Variants in EIF2B3 observed in about 807,000 individuals in gnomAD.
EIF2B3 encodes the protein translation initiation factor eIF2B subunit gamma.
A neutral mutation model predicts 54.1 loss-of-function variants in EIF2B3; 20 were observed. That is an observed-to-expected ratio of 0.37 (90% CI 0.26 to 0.54). The LOEUF is 0.54. Ranked by LOEUF, EIF2B3 falls within the 20% of genes least tolerant of loss-of-function variation. The pLI is 0.86. For synonymous variants in EIF2B3, 153 were observed against 188.1 expected, an observed-to-expected ratio of 0.81 and a Z score of 1.52; for missense variants, 448 against 547.8, an observed-to-expected ratio of 0.82 and a Z score of 1.82.
intron 5 of EIF2B3, among the ~76,000 whole-genome samples, chr1:44,903,323 T>C (rs1643350764): frequency 1.3e-5 from 2 of 152,180 alleles, no homozygotes; most frequent in South Asian, 4.1e-4. Context: ...TCTTTAATTT[T>C]CCCCCAAAAG....
chr1:44,978,979 G>C (rs990085631), intron 2 of EIF2B3, among the ~76,000 whole-genome samples: 65 of 151,918 alleles, frequency 4.3e-4, no homozygotes, highest in African/African-American at 1.5e-3. Flanking sequence ...TTACAAATGA[G>C]GAATCTTGGA....
chr1:44,952,185 G>C (rs1459929537), intron 3 of EIF2B3, among the ~76,000 whole-genome samples: 1 of 138,794 alleles, frequency 7.2e-6, no homozygotes, highest in Non-Finnish European at 1.6e-5. Context: ...GGATGGTCTC[G>C]ATCTCCTGAC....
chr1:44,962,204 A>ACAGCAT (rs1553179560), intron 3 of EIF2B3, among the ~76,000 whole-genome samples: 14 of 146,442 alleles, frequency 9.6e-5, no homozygotes, highest in Admixed American at 2.8e-4. Context: ...ATCATCATCA[A>ACAGCAT]CATCATCATC....
chr1:44,879,964 G>C lies in EIF2B3; in HGVS notation c.829C>G (p.Pro277Ala). The change falls in exon 8 of 12, where the codon CCC becomes GCC. Residue 277 changes from proline to alanine, a missense_variant. Around this residue, in one of 3 missense-constraint regions of EIF2B3, gnomAD observed 350 missense variants for 414.2 expected, o/e 0.85. Coordinates refer to ENST00000360403, the MANE Select transcript of EIF2B3 (RefSeq NM_020365.5). ...CAGGCATTCCAGCAGGCATCATAGG[G>C]AGCCAGGTTCAGTGTATTGGCTTCT... ...IKEANTLNLA[P>A]YDACWNACRG... 6.2e-7 allele frequency: 1 copy of C among 1,614,210 alleles called. No homozygotes were observed. The highest frequency in any genetic ancestry group is 8.5e-7 in the Non-Finnish European group (1 of 1,180,044).
intron 5 of EIF2B3, among the ~76,000 whole-genome samples, chr1:44,901,930 T>TA (rs1444638533): frequency 6.6e-6 from 1 of 152,186 alleles, no homozygotes; most frequent in Admixed American, 6.5e-5. Context: ...ATACAACTCT[T>TA]ACAGTTTTAG....
rs539600246 is a variant in EIF2B3 at position 44,923,953 on chromosome 1, T to C, written c.566+2675A>G. On this transcript the variant is annotated intron_variant, in intron 5 of 11. Coordinates refer to ENST00000360403, the MANE Select transcript of EIF2B3 (RefSeq NM_020365.5). ...CTAATTTCTTTCCTTTTTTTTTTTT[T>C]TTTTTGAGACAGAGTCTCGCTGTGT... Among the ~76,000 whole-genome samples, 129 of 150,694 alleles carry C rather than the reference T, an allele frequency of 8.6e-4. 2 individuals carry two copies. The highest frequency in any genetic ancestry group is 9.9e-4 in the Admixed American group (15 of 15,144).
chr1:44,850,820 T>C lies in EIF2B3; in HGVS notation c.*131A>G. 1.0e-6 allele frequency: 1 copy of C among 988,798 alleles called. No individual in the cohort carries two copies. Among genetic ancestry groups the C allele is most frequent in the Non-Finnish European group, 1.6e-6 (1 of 622,630 alleles). The allele number at this position is 988,798 out of a possible 1,614,324, so 61.3% of individuals were successfully genotyped here. On this transcript the variant is annotated 3_prime_UTR_variant, in exon 12 of 12. Transcript: ENST00000360403. The stretch of plus-strand genomic sequence containing the variant: ...GCCCACCTGACATGGAGCTTTGGAC[T>C]GCTCCACAAGTCTCCAGCATGCCTT...
chr1:44,872,696 G>A (rs921241560), intron 10 of EIF2B3, among the ~76,000 whole-genome samples: 1 of 151,764 alleles, frequency 6.6e-6, no homozygotes, highest in Admixed American at 6.6e-5. Context: ...CCTTTCTCCA[G>A]CTCAGGTGGC....
rs960761646 is a variant in EIF2B3, at chr1:44,966,323, C to T, written c.294+11992G>A. On this transcript the variant is annotated intron_variant, in intron 3 of 11. Transcript: ENST00000360403. ...GCGTGGTGGCGGGTGCCTGTAGTCC[C>T]AGCTACTTGGGAGGCTGAGACAGGA... Among the ~76,000 whole-genome samples the T allele has an allele frequency of 8.6e-5, 13 of 151,716 alleles. 1 individual carries two copies. Among genetic ancestry groups the T allele is most frequent in the African/African-American group, 2.9e-4 (12 of 41,336 alleles).
At position 44,857,686 on chromosome 1, in the gene EIF2B3, G is replaced by A; in HGVS notation, c.1306+18C>T. The A allele has an allele frequency of 6.2e-7, 1 of 1,611,436 alleles. No homozygotes were observed. Among genetic ancestry groups the A allele is most frequent in the Non-Finnish European group, 8.5e-7 (1 of 1,177,532 alleles). On this transcript the variant is annotated intron_variant, in intron 11 of 11. Transcript: ENST00000360403. Reference sequence around the variant, plus strand: ...TGTGAGAAGTAAAAATGGAATCTGTGATTGTAATCTGGTTTACCTTTGGCT... The same window carrying A: ...TGTGAGAAGTAAAAATGGAATCTGTAATTGTAATCTGGTTTACCTTTGGCT...
chr1:44,938,330 G>T (rs1643979893), intron 4 of EIF2B3, among the ~76,000 whole-genome samples: 1 of 151,970 alleles, frequency 6.6e-6, no homozygotes, highest in Non-Finnish European at 1.5e-5. Context: ...TATAGGTATT[G>T]AGAAGTTTAA....
At chr1:44,905,944 C>T (rs577281441) in intron 5 of EIF2B3, among the ~76,000 whole-genome samples, 1 of 152,292 alleles carries the variant, frequency 6.6e-6, no homozygotes, top group South Asian at 2.1e-4. Context: ...CTCAACTCAG[C>T]GTGCCAGAAC....
At chr1:44,913,207 G>A (rs1643551359) in intron 5 of EIF2B3, among the ~76,000 whole-genome samples, 1 of 149,714 alleles carries the variant, frequency 6.7e-6, no homozygotes, top group Non-Finnish European at 1.5e-5. Context: ...TACATTAAGA[G>A]ATATTGTTTA....
chr1:44,875,725 T>G, intron 8 of EIF2B3, 30 bp from the exon 9 acceptor site: 1 of 1,583,384 alleles, frequency 6.3e-7, no homozygotes. Context: ...TCACTAAAGA[T>G]CAGAAAACAC....
At chr1:44,865,993 G>C (rs747983073) in intron 10 of EIF2B3, among the ~76,000 whole-genome samples, 2 of 152,082 alleles carry the variant, frequency 1.3e-5, no homozygotes, top group Non-Finnish European at 2.9e-5. Flanking sequence ...AGTTATAGTA[G>C]AGGGGTTAAA....
chr1:44,860,164 T>C (rs1328661239), intron 10 of EIF2B3, among the ~76,000 whole-genome samples: 1 of 148,598 alleles, frequency 6.7e-6, no homozygotes, highest in East Asian at 2.1e-4. Context: ...AATTTCTTTT[T>C]TTTGAGACAA....
chr1:44,975,195 G>A (rs998547962), intron 3 of EIF2B3, among the ~76,000 whole-genome samples: 4 of 152,004 alleles, frequency 2.6e-5, no homozygotes, highest in African/African-American at 4.8e-5. Context: ...CAGCCTGGAC[G>A]ACAGAGCAAG....
intron 10 of EIF2B3, among the ~76,000 whole-genome samples, chr1:44,873,259 C>T (rs1022589966): frequency 1.3e-5 from 2 of 152,098 alleles, no homozygotes; most frequent in Non-Finnish European, 2.9e-5. Context: ...CCCCTGCAAC[C>T]CCTATTCCTC....
At chr1:44,857,944 T>C (rs921888525) in intron 10 of EIF2B3, 137 bp from the exon 11 acceptor site, 2 of 780,710 alleles carry the variant, frequency 2.6e-6, no homozygotes, top group Non-Finnish European at 4.4e-6. Flanking sequence ...CCTCAAGTTA[T>C]CAGTGGAAGA....
Sources: allele counts gnomAD v4.1 joint callset (sites outside exome capture counted in the v4.1 genomes callset), GRCh38; gene constraint gnomAD v4.1.1; regional missense constraint gnomAD v4.1.1; transcripts MANE v1.5; gene names NCBI Gene and HGNC (gene_info 2026-07-23, HGNC 2026-07-21).